The following CACHD1 variants were observed in gnomAD, a reference collection of about 807,000 sequenced individuals.
CACHD1 encodes cache domain containing 1, also known as VWFA and cache domain-containing protein 1.
Under a neutral mutation model 138.7 loss-of-function variants are expected in CACHD1, and 71 were observed. The ratio of observed to expected loss-of-function variants is 0.51; its 90% CI spans 0.42 to 0.62. CACHD1 has a LOEUF of 0.62. Ranked by LOEUF, CACHD1 falls within the 20% of genes least tolerant of loss-of-function variation. CACHD1 has a pLI of 0.00. For synonymous variants in CACHD1, 578 were observed against 591.5 expected, an observed-to-expected ratio of 0.98 and a Z score of 0.33; for missense variants, 1,389 against 1,625.3, an observed-to-expected ratio of 0.85 and a Z score of 2.50.
At chr1:64,477,651 G>A (rs1269249021) in intron 1 of CACHD1, among the ~76,000 whole-genome samples, 6 of 142,382 alleles carry the variant, frequency 4.2e-5, no homozygotes, top group Middle Eastern at 3.8e-3. Context: ...TTTTTGAGAC[G>A]GAGTCTCGCT....
At chr1:64,687,752 C>A (rs1650413736) in intron 26 of CACHD1, among the ~76,000 whole-genome samples, 1 of 152,016 alleles carries the variant, frequency 6.6e-6, no homozygotes, top group African/African-American at 2.4e-5. Context: ...ACAAAATTCA[C>A]TGATGCTGTT....
At chr1:64,608,681 A>G (rs1647416736) in intron 4 of CACHD1, among the ~76,000 whole-genome samples, 1 of 152,208 alleles carries the variant, frequency 6.6e-6, no homozygotes, top group African/African-American at 2.4e-5. Context: ...CTAAAGTTTG[A>G]CAGTGCATGT....
At chr1:64,541,200 G>T (rs981487036) in intron 1 of CACHD1, among the ~76,000 whole-genome samples, 4 of 152,196 alleles carry the variant, frequency 2.6e-5, no homozygotes, top group African/African-American at 9.6e-5. Context: ...TAATGCTTAG[G>T]CTAGTGGATG....
chr1:64,567,175 A>T (rs1018334264), intron 2 of CACHD1, among the ~76,000 whole-genome samples: 34 of 152,190 alleles, frequency 2.2e-4, no homozygotes, highest in Non-Finnish European at 5.9e-5. Flanking sequence ...ACATTTGTTG[A>T]GTACTTATTC....
At chr1:64,660,311 A>T (rs1439624076) in intron 13 of CACHD1, among the ~76,000 whole-genome samples, 1 of 152,132 alleles carries the variant, frequency 6.6e-6, no homozygotes, top group African/African-American at 2.4e-5. Flanking sequence ...CATATCTCCC[A>T]TAGCTACAGT....
At chr1:64,555,852 T>G (rs1302873204) in intron 2 of CACHD1, among the ~76,000 whole-genome samples, 1 of 152,258 alleles carries the variant, frequency 6.6e-6, no homozygotes. Flanking sequence ...ATTCTATCTC[T>G]GTCAAACAAT....
At chr1:64,508,554 A>C (rs188054521) in intron 1 of CACHD1, among the ~76,000 whole-genome samples, 1 of 152,204 alleles carries the variant, frequency 6.6e-6, no homozygotes, top group Non-Finnish European at 1.5e-5. Context: ...CCTACCTTAA[A>C]TGAAATGGAC....
chr1:64,622,341 C>T (rs1647941667), intron 4 of CACHD1, among the ~76,000 whole-genome samples: 1 of 152,206 alleles, frequency 6.6e-6, no homozygotes, highest in African/African-American at 2.4e-5. Flanking sequence ...TGCGATTTTC[C>T]AGGTAAACCA....
At chr1:64,616,985 CT>C (rs928111340) in intron 4 of CACHD1, among the ~76,000 whole-genome samples, 173 of 144,344 alleles carry the variant, frequency 1.2e-3, no homozygotes, top group Admixed American at 1.3e-3. Context: ...ATCATTATTG[CT>C]TTTTTTTTTT....
intron 1 of CACHD1, among the ~76,000 whole-genome samples, chr1:64,486,942 T>C (rs1275142473): frequency 1.3e-5 from 2 of 152,120 alleles, no homozygotes; most frequent in Non-Finnish European, 2.9e-5. Flanking sequence ...GGGGTGCTGA[T>C]ATTTGAGTGG....
At chr1:64,609,029 G>A (rs982144776) in intron 4 of CACHD1, among the ~76,000 whole-genome samples, 7 of 152,116 alleles carry the variant, frequency 4.6e-5, no homozygotes, top group East Asian at 1.9e-4. Flanking sequence ...CGGGATTCAC[G>A]GGGTGTAAGG....
rs1427211545 is a variant in CACHD1 at position 64,470,984 on chromosome 1, T to C, written c.198+42T>C. 2 of 1,539,502 alleles carry C rather than the reference T, an allele frequency of 1.3e-6. No individual in the cohort carries two copies. The highest frequency in any genetic ancestry group is 1.7e-4 in the Middle Eastern group (1 of 5,808). ...CTGGCCAGACATCCCGCCTTTCTCC[T>C]TTGCTCAAACTCCCATCCCACTCCC... On this transcript the variant is annotated intron_variant, in intron 1 of 26. Transcript: ENST00000651257. The surrounding 1 kb of genome is among the most constrained non-coding windows in gnomAD (Gnocchi z 5.2).
intron 13 of CACHD1, among the ~76,000 whole-genome samples, chr1:64,661,826 T>C (rs1194860886): frequency 6.6e-6 from 1 of 152,202 alleles, no homozygotes; most frequent in Non-Finnish European, 1.5e-5. Flanking sequence ...CAGAATTAAA[T>C]GAAACATAAC....
chr1:64,641,047 G>A (rs1490675382), intron 7 of CACHD1, among the ~76,000 whole-genome samples: 1 of 151,986 alleles, frequency 6.6e-6, no homozygotes, highest in African/African-American at 2.4e-5. Context: ...CATTTTGTGT[G>A]TGTGTTGTAG....
chr1:64,652,424 A>T lies in CACHD1; in HGVS notation c.1540+114A>T. The T allele has an allele frequency of 3.2e-6, 3 of 925,966 alleles. No individual in the cohort carries two copies. The South Asian group carries it at 5.7e-5, about 18-fold the overall frequency. 57.4% of individuals were successfully genotyped at this position (925,966 alleles called of 1,614,324 possible). A position where few individuals can be genotyped will look rare whatever the true frequency, so the allele number is the denominator to read the frequency against. On this transcript the variant is annotated intron_variant, in intron 10 of 26. Coordinates refer to ENST00000651257, the MANE Select transcript of CACHD1 (RefSeq NM_020925.4). Reference sequence around the variant, plus strand: ...TGATAGTGTAAAGAAGAGCATTGTGACTAAGATTGCTCATTTGTAGTAGAA... The same window carrying T: ...TGATAGTGTAAAGAAGAGCATTGTGTCTAAGATTGCTCATTTGTAGTAGAA...
intron 19 of CACHD1, among the ~76,000 whole-genome samples, chr1:64,674,719 T>TTGCC (rs1430025879): frequency 6.6e-6 from 1 of 152,192 alleles, no homozygotes; most frequent in Non-Finnish European, 1.5e-5. Context: ...GTGAAATAAT[T>TTGCC]TGCCTAGTGT....
chr1:64,649,255 G>C (rs1020428196), intron 9 of CACHD1, among the ~76,000 whole-genome samples: 3 of 152,034 alleles, frequency 2.0e-5, no homozygotes, highest in African/African-American at 7.2e-5. Flanking sequence ...GGAGTGCAGT[G>C]GTGTGATCAT....
intron 3 of CACHD1, among the ~76,000 whole-genome samples, chr1:64,588,598 G>A (rs762161002): frequency 2.0e-4 from 30 of 151,820 alleles, no homozygotes; most frequent in African/African-American, 6.3e-4. Flanking sequence ...GGCTGGTCTC[G>A]AACTCCTGGA....
At chr1:64,498,307 C>G (rs2100314986) in intron 1 of CACHD1, among the ~76,000 whole-genome samples, 1 of 152,314 alleles carries the variant, frequency 6.6e-6, no homozygotes, top group South Asian at 2.1e-4. Flanking sequence ...ACAGTGCGTG[C>G]TCCAGCATAT....
Sources: allele counts gnomAD v4.1 joint callset (sites outside exome capture counted in the v4.1 genomes callset), GRCh38; gene constraint gnomAD v4.1.1; non-coding constraint Gnocchi (gnomAD v3.1); transcripts MANE v1.5; gene names NCBI Gene and HGNC (gene_info 2026-07-23, HGNC 2026-07-21).